RAD51B: variants seen among roughly 807,000 people sequenced by gnomAD.
RAD51B encodes DNA repair protein RAD51 homolog 2.
A neutral mutation model predicts 42.2 loss-of-function variants in RAD51B; 38 were observed. The observed-to-expected ratio is 0.90, with a 90% CI of 0.70 to 1.18. The LOEUF (loss-of-function observed/expected upper bound fraction) is 1.18, where lower values mean the gene tolerates loss of function less well. Ranked by LOEUF, RAD51B falls within the 50% of genes most tolerant of loss-of-function variation. The pLI is 0.00. For missense variants in RAD51B, 373 were observed against 400.7 expected (o/e 0.93, Z 0.59); for synonymous variants, 154 against 145.2 (o/e 1.06, Z -0.43).
At chr14:68,626,403 C>T (rs1892081659) in intron 10 of RAD51B, among the ~76,000 whole-genome samples, 1 of 152,230 alleles carries the variant, frequency 6.6e-6, no homozygotes, top group Non-Finnish European at 1.5e-5. Context: ...CACTCTAAAA[C>T]TTAGTGTCTC....
rs1402580700 is a variant in RAD51B, at chr14:68,117,416, T to C, written c.757-174468T>C. On this transcript the variant is annotated intron_variant, in intron 7 of 10. Coordinates refer to ENST00000471583, the MANE Select transcript of RAD51B (RefSeq NM_133510.4). ...GCTCAGTATTGGTCTAGATAGAATA[T>C]ACTATGGGACCAAAAAAGATATGAC... 2.0e-5 allele frequency among the ~76,000 whole-genome samples: 3 copies of C among 152,144 alleles called. No homozygotes were observed. The East Asian group carries it at 5.8e-4, about 29-fold the overall frequency.
intron 3 of RAD51B, among the ~76,000 whole-genome samples, chr14:67,834,795 C>A (rs1416594294): frequency 6.6e-6 from 1 of 152,078 alleles, no homozygotes; most frequent in Non-Finnish European, 1.5e-5. Flanking sequence ...ATTACAATAT[C>A]TCTTATTAAT....
chr14:68,611,489 G>A (rs1891681052), exon 11 of RAD51B: 1 of 539,330 alleles, frequency 1.9e-6, no homozygotes, highest in Non-Finnish European at 3.3e-6. Flanking sequence ...AGAGTGATTA[G>A]AGCTTCTGCC....
intron 10 of RAD51B, among the ~76,000 whole-genome samples, chr14:68,573,535 CT>C (rs1190968660): frequency 6.6e-6 from 1 of 152,222 alleles, no homozygotes; most frequent in African/African-American, 2.4e-5. Context: ...TCCTATCCCC[CT>C]TACCTGGCTT....
At chr14:68,381,808 C>T (rs1345066700) in intron 8 of RAD51B, among the ~76,000 whole-genome samples, 1 of 152,242 alleles carries the variant, frequency 6.6e-6, no homozygotes, top group Non-Finnish European at 1.5e-5. Flanking sequence ...CCAATTGAGT[C>T]TCTACCCAAA....
chr14:68,232,524 G>A (rs1399531421), intron 7 of RAD51B, among the ~76,000 whole-genome samples: 1 of 152,226 alleles, frequency 6.6e-6, no homozygotes, highest in Non-Finnish European at 1.5e-5. Flanking sequence ...GTACATAAAA[G>A]TGAAGCCAAG....
At chr14:67,960,041 C>T (rs558955615) in intron 7 of RAD51B, among the ~76,000 whole-genome samples, 11 of 151,466 alleles carry the variant, frequency 7.3e-5, no homozygotes, top group Admixed American at 2.6e-4. Flanking sequence ...GCTGAGATCG[C>T]GCCACTGCGC....
At chr14:68,222,112 A>G (rs1170608980) in intron 7 of RAD51B, among the ~76,000 whole-genome samples, 2 of 152,246 alleles carry the variant, frequency 1.3e-5, no homozygotes, top group East Asian at 3.8e-4. Context: ...TAGTGCAACC[A>G]CTAGGGAAAA....
At chr14:68,168,915 G>A (rs1266679809) in intron 7 of RAD51B, among the ~76,000 whole-genome samples, 6 of 152,072 alleles carry the variant, frequency 3.9e-5, no homozygotes, top group Admixed American at 6.6e-5. Flanking sequence ...TAGCAAGGCA[G>A]GTCATGTTCA....
chr14:68,385,185 C>T (rs1289384752), intron 8 of RAD51B, among the ~76,000 whole-genome samples: 1 of 152,150 alleles, frequency 6.6e-6, no homozygotes, highest in East Asian at 1.9e-4. Context: ...ACCCTCCTGT[C>T]AGCTGGGCCT....
At chr14:68,157,781 GGTTT>G (rs1198096920) in intron 7 of RAD51B, among the ~76,000 whole-genome samples, 1 of 151,998 alleles carries the variant, frequency 6.6e-6, no homozygotes, top group Admixed American at 6.6e-5. Flanking sequence ...TTATTTATTT[GGTTT>G]GTTTGTTTAT....
chr14:67,924,266 C>T lies in RAD51B; in HGVS notation c.756+37062C>T, dbSNP rs34751984. ...CATCTATTTATCCTTGTTTTAGTTG[C>T]GTTTATTTTTGGGTTCTTGGTCATG... On this transcript the variant is annotated intron_variant, in intron 7 of 10. Transcript: ENST00000471583. Among the ~76,000 whole-genome samples the T allele has an allele frequency of 5.4e-3, 820 of 152,060 alleles. 9 individuals are homozygous for T. Among genetic ancestry groups the T allele is most frequent in the Non-Finnish European group, 7.4e-3 (504 of 67,996 alleles).
Position 68,167,803 on chromosome 14 carries a change from A to G in RAD51B, c.757-124081A>G, listed in dbSNP as rs190447729. 2.9e-3 allele frequency among the ~76,000 whole-genome samples: 448 copies of G among 152,228 alleles called. 1 individual carries two copies. The highest frequency in any genetic ancestry group is 4.9e-3 in the Non-Finnish European group (333 of 67,984). ...TTATTAGAGTTCTGATATTCTACTT[A>G]TTATACTCCCTGCCCTCTTTAGCAC... is the stretch of plus-strand genomic sequence containing the variant. On this transcript the variant is annotated intron_variant, in intron 7 of 10. Coordinates refer to ENST00000471583, the MANE Select transcript of RAD51B (RefSeq NM_133510.4).
intron 5 of RAD51B, among the ~76,000 whole-genome samples, chr14:67,879,608 T>G (rs1287091634): frequency 6.6e-6 from 1 of 152,116 alleles, no homozygotes; most frequent in Non-Finnish European, 1.5e-5. Flanking sequence ...GCACCTGGAC[T>G]TTACATGTAT....
chr14:68,440,086 TAA>T (rs1478951506), intron 9 of RAD51B, among the ~76,000 whole-genome samples: 2 of 152,242 alleles, frequency 1.3e-5, no homozygotes. Flanking sequence ...TCAGATTCTG[TAA>T]AGAGACTCCT....
At chr14:68,681,445 G>A (rs938306204) in intron 11 of RAD51B, among the ~76,000 whole-genome samples, 4 of 152,156 alleles carry the variant, frequency 2.6e-5, no homozygotes, top group Non-Finnish European at 5.9e-5. Flanking sequence ...TGAAAACATC[G>A]GGCAAGTGGC....
chr14:68,039,196 G>C (rs1416744818), intron 7 of RAD51B, among the ~76,000 whole-genome samples: 1 of 152,120 alleles, frequency 6.6e-6, no homozygotes, highest in East Asian at 1.9e-4. Context: ...TTGGGAGGCT[G>C]AGGCAGGCAG....
At chr14:68,160,278 G>A (rs2078610769) in intron 7 of RAD51B, among the ~76,000 whole-genome samples, 1 of 152,126 alleles carries the variant, frequency 6.6e-6, no homozygotes, top group South Asian at 2.1e-4. Flanking sequence ...ATTTATTTAT[G>A]CCAGAACCTA....
chr14:68,618,771 T>C (rs1019501950), intron 10 of RAD51B, among the ~76,000 whole-genome samples: 7 of 152,168 alleles, frequency 4.6e-5, no homozygotes, highest in Admixed American at 1.3e-4. Flanking sequence ...CCCTGACTAC[T>C]TGAGAAACTC....
Sources: allele counts gnomAD v4.1 joint callset (sites outside exome capture counted in the v4.1 genomes callset), GRCh38; gene constraint gnomAD v4.1.1; transcripts MANE v1.5; gene names NCBI Gene and HGNC (gene_info 2026-07-23, HGNC 2026-07-21).